Variants in PDE7A observed in about 807,000 individuals in gnomAD.
PDE7A encodes the protein high affinity 3',5'-cyclic-AMP phosphodiesterase 7A.
Under a neutral mutation model 64.3 loss-of-function variants are expected in PDE7A, and 39 were observed. The observed-to-expected ratio is 0.61, with a 90% CI of 0.47 to 0.79. The LOEUF is 0.79. PDE7A is among the 30% of genes least tolerant of loss of function. The pLI, the probability that PDE7A is intolerant of heterozygous loss-of-function variation, is 0.00. For synonymous variants in PDE7A, 203 were observed against 206.8 expected, an observed-to-expected ratio of 0.98 and a Z score of 0.16; for missense variants, 470 against 582.8, an observed-to-expected ratio of 0.81 and a Z score of 1.99.
At chr8:65,746,669 A>T (rs750398709) in intron 4 of PDE7A, among the ~76,000 whole-genome samples, 45 of 152,208 alleles carry the variant, frequency 3.0e-4, no homozygotes, top group Non-Finnish European at 5.9e-4. Context: ...CATGAGCAAC[A>T]CTAAGATACT....
At chr8:65,723,668 G>C (rs1188655884) in intron 11 of PDE7A, 47 bp from the exon 12 acceptor site, 1 of 1,302,876 alleles carries the variant, frequency 7.7e-7, no homozygotes, top group Admixed American at 2.7e-5. Flanking sequence ...ATATCTATTG[G>C]TTAAATATAT....
intron 1 of PDE7A, among the ~76,000 whole-genome samples, chr8:65,832,632 G>A (rs758788433): frequency 1.3e-5 from 2 of 152,080 alleles, no homozygotes; most frequent in Non-Finnish European, 1.5e-5. Context: ...CTACAAGCAC[G>A]TGTCACCATG....
At chr8:65,823,102 C>G (rs1810582564) in intron 1 of PDE7A, among the ~76,000 whole-genome samples, 1 of 152,084 alleles carries the variant, frequency 6.6e-6, no homozygotes, top group Non-Finnish European at 1.5e-5. Flanking sequence ...GAATCCTGCT[C>G]TAAGGTGTCC....
chr8:65,782,043 G>GC (rs1056939415), intron 2 of PDE7A, among the ~76,000 whole-genome samples: 7 of 152,154 alleles, frequency 4.6e-5, no homozygotes, highest in African/African-American at 1.7e-4. Flanking sequence ...AGTGAAGGTG[G>GC]CAAAGAAGAA....
chr8:65,728,748 T>C (rs987403990), intron 7 of PDE7A: 8 of 152,122 alleles, frequency 5.3e-5, no homozygotes, highest in African/African-American at 1.9e-4. Flanking sequence ...TGCAAAGGGG[T>C]TACATTCTTA....
At chr8:65,796,133 TA>T (rs58859673) in intron 1 of PDE7A, among the ~76,000 whole-genome samples, 9,507 of 137,038 alleles carry the variant, frequency 0.069, 374 homozygotes, top group Middle Eastern at 0.11. Context: ...AAATAAAAAC[TA>T]AAAAAAAAAA....
At chr8:65,781,830 C>T (rs1020568180) in intron 2 of PDE7A, among the ~76,000 whole-genome samples, 21 of 152,026 alleles carry the variant, frequency 1.4e-4, no homozygotes, top group African/African-American at 4.3e-4. Flanking sequence ...TTAAGGACAG[C>T]GGAATCCTGA....
chr8:65,754,207 T>A (rs1473783445), intron 3 of PDE7A, among the ~76,000 whole-genome samples: 6 of 151,982 alleles, frequency 3.9e-5, no homozygotes, highest in African/African-American at 1.5e-4. Context: ...TCTGCTTGCT[T>A]TATAGTCTAG....
In PDE7A at chr8:65,777,004, CTGTT is replaced by C. The variant is rs376084046; in HGVS notation, c.283+2712_283+2715del. Among the ~76,000 whole-genome samples, 402 of 150,558 alleles carry C rather than the reference CTGTT, an allele frequency of 2.7e-3. 1 individual carries two copies. Among genetic ancestry groups the C allele is most frequent in the Non-Finnish European group, 4.4e-3 (300 of 67,792 alleles). Reference sequence around the variant, plus strand: ...TGGGTTTTGTAGCTAATGTTTCAGACTGTTTAAGTTTTTCTCTGTTCCTAGCTTG... The same window carrying C: ...TGGGTTTTGTAGCTAATGTTTCAGACTAAGTTTTTCTCTGTTCCTAGCTTG... On this transcript the variant is annotated intron_variant, in intron 3 of 12. Transcript: ENST00000401827.
At chr8:65,731,310 C>T (rs1452667890) in intron 7 of PDE7A, among the ~76,000 whole-genome samples, 1 of 152,078 alleles carries the variant, frequency 6.6e-6, no homozygotes, top group Non-Finnish European at 1.5e-5. Flanking sequence ...ATGCGGGGGC[C>T]AGGGAGGGAC....
intron 3 of PDE7A, among the ~76,000 whole-genome samples, chr8:65,778,120 G>A (rs1809311676): frequency 1.3e-5 from 2 of 152,166 alleles, no homozygotes; most frequent in African/African-American, 4.8e-5. Flanking sequence ...GGTTGGGAGA[G>A]GGCTGTGTCT....
intron 3 of PDE7A, among the ~76,000 whole-genome samples, chr8:65,776,040 C>T (rs1426381453): frequency 6.6e-6 from 1 of 152,196 alleles, no homozygotes; most frequent in Non-Finnish European, 1.5e-5. Flanking sequence ...GCTTCCCCTA[C>T]ACCATATCCA....
chr8:65,768,875 AG>A (rs1355687587), intron 3 of PDE7A, among the ~76,000 whole-genome samples: 1 of 152,252 alleles, frequency 6.6e-6, no homozygotes, highest in Non-Finnish European at 1.5e-5. Flanking sequence ...AAAAAGGTCA[AG>A]AATGCATCAG....
chr8:65,831,322 A>G (rs1351664117), intron 1 of PDE7A, among the ~76,000 whole-genome samples: 3 of 152,152 alleles, frequency 2.0e-5, no homozygotes, highest in Admixed American at 2.0e-4. Context: ...TTTGTTTTTG[A>G]AAGAAGAAAG....
chr8:65,800,556 G>A (rs1352450376), intron 1 of PDE7A, among the ~76,000 whole-genome samples: 2 of 152,172 alleles, frequency 1.3e-5, no homozygotes, highest in Admixed American at 6.5e-5. Flanking sequence ...TTAGCTGCCT[G>A]TCCTCCCTGC....
chr8:65,714,870 T>C lies in PDE7A; in HGVS notation c.*4420A>G, dbSNP rs1193776999. The C allele has an allele frequency of 6.6e-6, 1 of 152,152 alleles. No homozygotes were observed. The highest frequency in any genetic ancestry group is 2.4e-5 in the African/African-American group (1 of 41,380). The allele number at this position is 152,152 out of a possible 1,614,324, so 9.4% of individuals were successfully genotyped here. On this transcript the variant is annotated 3_prime_UTR_variant, in exon 13 of 13. Coordinates refer to ENST00000401827, the MANE Select transcript of PDE7A (RefSeq NM_001242318.3). ...CTAATCTGTACCTCAGGTACAAATA[T>C]ATTTGTTTGCAAAGGACATAAAATA...
In PDE7A at chr8:65,757,464, C is replaced by T. The variant is rs565545277; in HGVS notation, c.284-9661G>A. Among the ~76,000 whole-genome samples the T allele has an allele frequency of 2.0e-5, 3 of 152,256 alleles. No individual in the cohort carries two copies. In the South Asian group the frequency reaches 6.2e-4, roughly 32 times the overall value. On this transcript the variant is annotated intron_variant, in intron 3 of 12. Coordinates refer to ENST00000401827, the MANE Select transcript of PDE7A (RefSeq NM_001242318.3). ...ATGACTGTCTCCCAGGGTGAGGCTA[C>T]TCAGGTTTGTAGGGTTTTTTTAGAT...
intron 3 of PDE7A, among the ~76,000 whole-genome samples, chr8:65,751,494 C>A (rs1160814302): frequency 6.7e-6 from 1 of 149,884 alleles, no homozygotes; most frequent in Admixed American, 6.6e-5. Flanking sequence ...TTTCTTTTCT[C>A]GAGTTTCATC....
At chr8:65,803,522 A>G (rs1810043541) in intron 1 of PDE7A, among the ~76,000 whole-genome samples, 1 of 152,212 alleles carries the variant, frequency 6.6e-6, no homozygotes, top group African/African-American at 2.4e-5. Flanking sequence ...AGTGTTTGAC[A>G]GTCTAAATCA....
Sources: gnomAD v4.1 joint callset for allele counts (sites outside exome capture counted in the v4.1 genomes callset) on GRCh38, gnomAD v4.1.1 for gene constraint, MANE v1.5 for transcripts, NCBI Gene and HGNC (gene_info 2026-07-23, HGNC 2026-07-21) for gene names.